The following PLXNA4 variants were observed in gnomAD, a reference collection of about 807,000 sequenced individuals.
PLXNA4 encodes the protein plexin A4.
A neutral mutation model predicts 191.8 loss-of-function variants in PLXNA4; 44 were observed. The ratio of observed to expected loss-of-function variants is 0.23; its 90% CI spans 0.18 to 0.29. PLXNA4 has a LOEUF of 0.29. PLXNA4 is among the 10% of genes least tolerant of loss of function. The pLI is 1.00. For missense variants in PLXNA4, 1,800 were observed against 2,488.8 expected (o/e 0.72, Z 5.89); for synonymous variants, 1,082 against 1,009.5 (o/e 1.07, Z -1.36).
At chr7:132,449,241 G>A (rs932394202) in intron 3 of PLXNA4, among the ~76,000 whole-genome samples, 5 of 152,166 alleles carry the variant, frequency 3.3e-5, no homozygotes, top group African/African-American at 1.2e-4. Flanking sequence ...TTTCTCCACA[G>A]TTCTCCTGGC....
intron 3 of PLXNA4, among the ~76,000 whole-genome samples, chr7:132,393,524 C>T (rs537962186): frequency 1.3e-5 from 2 of 152,300 alleles, no homozygotes; most frequent in African/African-American, 4.8e-5. Context: ...CACTCAAGTC[C>T]TACTTTTGTT....
At chr7:132,182,435 C>A (rs1421015366) in intron 16 of PLXNA4, among the ~76,000 whole-genome samples, 1 of 152,040 alleles carries the variant, frequency 6.6e-6, no homozygotes, top group Non-Finnish European at 1.5e-5. Context: ...GGAGTATGGA[C>A]CCCCGTGGAG....
At chr7:132,484,444 C>T (rs1414661962) in intron 3 of PLXNA4, among the ~76,000 whole-genome samples, 1 of 152,190 alleles carries the variant, frequency 6.6e-6, no homozygotes, top group East Asian at 1.9e-4. Context: ...AGGGTAAGGT[C>T]TATGCAGGTT....
At chr7:132,325,700 C>G (rs1563036332) in intron 3 of PLXNA4, among the ~76,000 whole-genome samples, 1 of 152,126 alleles carries the variant, frequency 6.6e-6, no homozygotes, top group African/African-American at 2.4e-5. Flanking sequence ...CCTGCTGACA[C>G]CTTAATTTCA....
rs1254846700 is a variant in PLXNA4, at chr7:132,168,366, C to A, written c.4224G>T (p.Leu1408=). The change falls in exon 22 of 32, where the codon CTG becomes CTT. Residue 1408 remains leucine, a synonymous_variant. Transcript: ENST00000321063. ...GGTTCTTGTCAATGAGGTCGGCCAGCAGCTGCTTCAGCACATCAGTGGCGT... is the reference window on the plus strand; with the variant it reads ...GGTTCTTGTCAATGAGGTCGGCCAGAAGCTGCTTCAGCACATCAGTGGCGT... ...LEYATDVLKQ[L]LADLIDKNLE... 1.2e-6 allele frequency: 2 copies of A among 1,608,022 alleles called. No individual in the cohort carries two copies. The highest frequency in any genetic ancestry group is 1.1e-5 in the South Asian group (1 of 90,382).
chr7:132,468,460 C>T (rs1796793470), intron 3 of PLXNA4, among the ~76,000 whole-genome samples: 5 of 152,174 alleles, frequency 3.3e-5, no homozygotes. Flanking sequence ...AAATTCTCAT[C>T]TCAAGAATCC....
chr7:132,313,070 G>T (rs1270946120), intron 3 of PLXNA4, among the ~76,000 whole-genome samples: 2 of 152,122 alleles, frequency 1.3e-5, no homozygotes, highest in Non-Finnish European at 2.9e-5. Context: ...TCTGTTTGCA[G>T]CTGCCCCCTG....
At chr7:132,529,554 A>T (rs1799541394) in intron 1 of PLXNA4, among the ~76,000 whole-genome samples, 1 of 152,094 alleles carries the variant, frequency 6.6e-6, no homozygotes, top group South Asian at 2.1e-4. Context: ...ACTCTGGTCT[A>T]AAGGGTCTAG....
intron 3 of PLXNA4, among the ~76,000 whole-genome samples, chr7:132,453,804 T>A (rs1201004750): frequency 6.6e-6 from 1 of 152,212 alleles, no homozygotes; most frequent in African/African-American, 2.4e-5. Flanking sequence ...CCTCCCAAAG[T>A]GCTGGGATTA....
At chr7:132,202,270 C>A (rs930686) in intron 12 of PLXNA4, among the ~76,000 whole-genome samples, 114,463 of 152,008 alleles carry the variant, frequency 0.75, 44,373 homozygotes, top group African/African-American at 0.94. Context: ...ACACCCATGC[C>A]ACCTCCAATC....
chr7:132,306,608 A>C (rs781253350), intron 3 of PLXNA4, among the ~76,000 whole-genome samples: 1 of 152,230 alleles, frequency 6.6e-6, no homozygotes, highest in Non-Finnish European at 1.5e-5. Flanking sequence ...CCTGAAAGGA[A>C]GAATTAGCAC....
intron 1 of PLXNA4, among the ~76,000 whole-genome samples, chr7:132,541,841 G>T (rs902938934): frequency 6.6e-6 from 1 of 152,206 alleles, no homozygotes; most frequent in Non-Finnish European, 1.5e-5. Flanking sequence ...TAACAGATCC[G>T]CAGGCATTTA....
rs377590212 is a variant in PLXNA4, at chr7:132,249,596, A to T, written c.1504-8430T>A. On this transcript the variant is annotated intron_variant, in intron 4 of 31. Coordinates refer to ENST00000321063, the MANE Select transcript of PLXNA4 (RefSeq NM_020911.2). ...AGACCCCTTGCCAAGCGGGAGAGCG[A>T]TCCCCTTCCCTGATGCACAGATGGA... is the stretch of plus-strand genomic sequence containing the variant. Among the ~76,000 whole-genome samples the T allele has an allele frequency of 1.3e-3, 195 of 152,310 alleles. 8 individuals are homozygous for T. The South Asian group carries it at 0.039, about 30-fold the overall frequency.
At chr7:132,367,975 T>C (rs373923001) in intron 3 of PLXNA4, 1 of 152,190 alleles carries the variant, frequency 6.6e-6, no homozygotes, top group Non-Finnish European at 1.5e-5. Flanking sequence ...GCCCTCTCTC[T>C]TCCAACTGTG....
chr7:132,294,519 G>T (rs1269638721), intron 4 of PLXNA4, among the ~76,000 whole-genome samples: 3 of 152,178 alleles, frequency 2.0e-5, no homozygotes, highest in African/African-American at 7.2e-5. Flanking sequence ...ACTGCTGCAT[G>T]GAGAAAAGAC....
At position 132,132,497 on chromosome 7, in the gene PLXNA4, T is replaced by G. The variant is rs55657106; in HGVS notation, c.5589+552A>C. On this transcript the variant is annotated intron_variant, in intron 31 of 31. Transcript: ENST00000321063. ...GCTCTGCTCTGCTCTGCTCTATTCT[T>G]TTCTATTCTATTCTATTCTATTCTA... 5.4e-3 allele frequency among the ~76,000 whole-genome samples: 598 copies of G among 111,506 alleles called. 12 individuals are homozygous for G. The highest frequency in any genetic ancestry group is 0.013 in the African/African-American group (334 of 26,468). The allele number at this position is 111,506 out of a possible 152,430, so 73.2% of individuals were successfully genotyped here.
intron 1 of PLXNA4, among the ~76,000 whole-genome samples, chr7:132,537,960 G>A (rs1799918697): frequency 6.6e-6 from 1 of 152,208 alleles, no homozygotes; most frequent in Admixed American, 6.5e-5. Context: ...AAATCCCCCA[G>A]CACAGAGCAA....
intron 4 of PLXNA4, among the ~76,000 whole-genome samples, chr7:132,285,434 G>C (rs911621398): frequency 7.9e-5 from 12 of 152,274 alleles, no homozygotes; most frequent in Admixed American, 6.5e-4. Flanking sequence ...GTCTAAATAA[G>C]TATTCAGATA....
At chr7:132,422,501 G>C (rs1794884722) in intron 3 of PLXNA4, among the ~76,000 whole-genome samples, 1 of 152,180 alleles carries the variant, frequency 6.6e-6, no homozygotes, top group South Asian at 2.1e-4. Flanking sequence ...CCATGAATGT[G>C]CCACCCTTCC....
Sources: gnomAD v4.1 joint callset for allele counts (sites outside exome capture counted in the v4.1 genomes callset) on GRCh38, gnomAD v4.1.1 for gene constraint, MANE v1.5 for transcripts, NCBI Gene and HGNC (gene_info 2026-07-23, HGNC 2026-07-21) for gene names.